The following ADGRB3 variants were observed in gnomAD, a reference collection of about 807,000 sequenced individuals.
ADGRB3 encodes brain-specific angiogenesis inhibitor 3.
In ADGRB3, 37 loss-of-function variants were observed where a neutral mutation model predicts 193.4. The ratio of observed to expected loss-of-function variants is 0.19; its 90% confidence interval spans 0.15 to 0.25. The LOEUF (loss-of-function observed/expected upper bound fraction) is 0.25. ADGRB3 is among the 10% of genes least tolerant of loss of function. The pLI is 1.00. For missense variants in ADGRB3, 1,637 were observed against 1,852.9 expected (o/e 0.88, Z 2.14); for synonymous variants, 690 against 644.2 (o/e 1.07, Z -1.08).
intron 3 of ADGRB3, among the ~76,000 whole-genome samples, chr6:68,710,805 G>A (rs1215234988): frequency 1.3e-5 from 2 of 152,052 alleles, no homozygotes; most frequent in Admixed American, 1.3e-4. Context: ...TTTGCCTTAG[G>A]TTCAGCTGGC....
intron 17 of ADGRB3, among the ~76,000 whole-genome samples, chr6:69,213,313 T>C (rs1765707272): frequency 6.6e-6 from 1 of 152,144 alleles, no homozygotes; most frequent in Non-Finnish European, 1.5e-5. Context: ...CCTACCTATT[T>C]CCCTGGTTCC....
intron 3 of ADGRB3, among the ~76,000 whole-genome samples, chr6:68,739,026 A>G (rs951921548): frequency 6.6e-6 from 1 of 152,316 alleles, no homozygotes; most frequent in East Asian, 1.9e-4. Flanking sequence ...TTATATGTCA[A>G]GTAAAAGGAA....
intron 20 of ADGRB3, among the ~76,000 whole-genome samples, chr6:69,291,960 T>C (rs1767694062): frequency 6.6e-6 from 1 of 152,086 alleles, no homozygotes; most frequent in Admixed American, 6.6e-5. Context: ...AATATCCTTA[T>C]CCCTGAAGAT....
chr6:69,311,635 T>A (rs758916798), intron 20 of ADGRB3, among the ~76,000 whole-genome samples: 2 of 151,750 alleles, frequency 1.3e-5, no homozygotes, highest in Non-Finnish European at 2.9e-5. Flanking sequence ...ACTGAGATTA[T>A]CTCACCTTCC....
chr6:68,646,806 T>A (rs987088335), intron 3 of ADGRB3, among the ~76,000 whole-genome samples: 1 of 152,006 alleles, frequency 6.6e-6, no homozygotes, highest in African/African-American at 2.4e-5. Context: ...TGTGTAAGAG[T>A]GTGTGTGTTG....
At chr6:68,679,401 G>C (rs114399915) in intron 3 of ADGRB3, among the ~76,000 whole-genome samples, 1 of 152,062 alleles carries the variant, frequency 6.6e-6, no homozygotes, top group Non-Finnish European at 1.5e-5. Flanking sequence ...AAAGGGGAAC[G>C]CTTGCACAGA....
chr6:68,732,287 C>A (rs1413621052), intron 3 of ADGRB3, among the ~76,000 whole-genome samples: 1 of 151,700 alleles, frequency 6.6e-6, no homozygotes, highest in Admixed American at 6.6e-5. Flanking sequence ...GCCTCATACC[C>A]ATTAGCTATT....
chr6:68,759,870 G>A (rs1766364080), intron 3 of ADGRB3, among the ~76,000 whole-genome samples: 1 of 151,898 alleles, frequency 6.6e-6, no homozygotes. Context: ...TATTTCATTG[G>A]CATTACCATA....
intron 3 of ADGRB3, among the ~76,000 whole-genome samples, chr6:68,654,727 A>G (rs1212607694): frequency 6.6e-6 from 1 of 151,944 alleles, no homozygotes; most frequent in Non-Finnish European, 1.5e-5. Flanking sequence ...TTTACTAACT[A>G]AATATTTACT....
intron 3 of ADGRB3, among the ~76,000 whole-genome samples, chr6:68,758,153 C>T (rs998567197): frequency 6.6e-6 from 1 of 151,994 alleles, no homozygotes; most frequent in Non-Finnish European, 1.5e-5. Context: ...GACAAATTCT[C>T]CTCACAAATT....
At chr6:69,038,502 A>C (rs1283069549) in intron 13 of ADGRB3, among the ~76,000 whole-genome samples, 1 of 152,162 alleles carries the variant, frequency 6.6e-6, no homozygotes, top group Non-Finnish European at 1.5e-5. Flanking sequence ...CATTTCCCAT[A>C]TTGATTTGTT....
intron 4 of ADGRB3, among the ~76,000 whole-genome samples, chr6:68,934,759 A>T (rs1186449480): frequency 6.6e-6 from 1 of 152,202 alleles, no homozygotes; most frequent in Non-Finnish European, 1.5e-5. Flanking sequence ...TATTTGGTTT[A>T]TAGAATAATG....
rs530440293 is a variant in ADGRB3 at position 69,257,480 on chromosome 6, T to A, written c.2814+18254T>A. 5.3e-5 allele frequency among the ~76,000 whole-genome samples: 8 copies of A among 152,304 alleles called. No homozygotes were observed. In the South Asian group the frequency reaches 6.2e-4, roughly 12 times the overall value. The stretch of plus-strand genomic sequence containing the variant: ...TATCCATTTCTTCTAGAGTTTCTAG[T>A]TTATTTGCGTAGAGGTGTTTGTAGT... On this transcript the variant is annotated intron_variant, in intron 20 of 31. Transcript: ENST00000370598.
intron 17 of ADGRB3, chr6:69,232,900 A>G: frequency 2.0e-6 from 1 of 504,384 alleles, no homozygotes; most frequent in Non-Finnish European, 3.5e-6. Flanking sequence ...TGGTAGAAAA[A>G]TATGAAAAGC....
At chr6:68,895,502 G>C (rs758966796) in intron 3 of ADGRB3, among the ~76,000 whole-genome samples, 1 of 151,894 alleles carries the variant, frequency 6.6e-6, no homozygotes, top group African/African-American at 2.4e-5. Flanking sequence ...GTGTAGAACA[G>C]TATTTGTCAT....
At chr6:68,988,055 A>C (rs1232365402) in intron 10 of ADGRB3, among the ~76,000 whole-genome samples, 2 of 152,140 alleles carry the variant, frequency 1.3e-5, no homozygotes, top group Non-Finnish European at 2.9e-5. Flanking sequence ...TTATAGTTGA[A>C]AGTAAAATAA....
chr6:69,326,513 C>T (rs971777165), intron 21 of ADGRB3, among the ~76,000 whole-genome samples: 6 of 151,952 alleles, frequency 3.9e-5, no homozygotes, highest in Admixed American at 6.6e-5. Flanking sequence ...AGACAGTCTC[C>T]GTATTTACAG....
chr6:68,707,848 G>A (rs1765350672), intron 3 of ADGRB3, among the ~76,000 whole-genome samples: 2 of 152,162 alleles, frequency 1.3e-5, no homozygotes, highest in African/African-American at 4.8e-5. Context: ...CATAGGTACA[G>A]CACTAACACA....
At chr6:69,131,968 A>G (rs1774024352) in intron 17 of ADGRB3, among the ~76,000 whole-genome samples, 2 of 152,214 alleles carry the variant, frequency 1.3e-5, no homozygotes, top group East Asian at 1.9e-4. Flanking sequence ...ATCCGTTTTT[A>G]TGGCTGCATA....
Sources: allele counts gnomAD v4.1 joint callset (sites outside exome capture counted in the v4.1 genomes callset), GRCh38; gene constraint gnomAD v4.1.1; transcripts MANE v1.5; gene names NCBI Gene and HGNC (gene_info 2026-07-23, HGNC 2026-07-21).